PLCB4: variants seen among roughly 807,000 people sequenced by gnomAD.
PLCB4 encodes the protein phospholipase C beta 4.
A neutral mutation model predicts 178.8 loss-of-function variants in PLCB4; 77 were observed. That is an observed-to-expected ratio of 0.43 (90% CI 0.36 to 0.52). The LOEUF is 0.52. PLCB4 is among the 20% of genes least tolerant of loss of function. PLCB4 has a pLI of 0.00. For missense variants in PLCB4, 1,024 were observed against 1,453.4 expected, an observed-to-expected ratio of 0.70 and a Z score of 4.80; for synonymous variants, 496 against 490.8, an observed-to-expected ratio of 1.01 and a Z score of -0.14.
intron 3 of PLCB4, among the ~76,000 whole-genome samples, chr20:9,298,899 A>G (rs1229699386): frequency 6.6e-6 from 1 of 152,048 alleles, no homozygotes; most frequent in Non-Finnish European, 1.5e-5. Context: ...GTTTTTAATC[A>G]TGTGATGCTT....
At chr20:9,427,824 C>T (rs1166706863) in intron 28 of PLCB4, among the ~76,000 whole-genome samples, 5 of 152,128 alleles carry the variant, frequency 3.3e-5, no homozygotes, top group Admixed American at 6.6e-5. Context: ...GCTTTGCTTC[C>T]GAAATCTATG....
rs942105736 is a variant in PLCB4 at position 9,402,653 on chromosome 20, G to A, written c.1611+1063G>A. On this transcript the variant is annotated intron_variant, in intron 20 of 39. Transcript: ENST00000378473. ...TGCTCTAGGCCAGACGAGAGTCCCC[G>A]ATGGTCAAACCAGACAATGCATCAG... Among the ~76,000 whole-genome samples the A allele has an allele frequency of 5.3e-5, 8 of 152,190 alleles. No homozygotes were observed. The East Asian group carries it at 5.8e-4, about 11-fold the overall frequency.
At chr20:9,431,624 C>G (rs902433646) in intron 28 of PLCB4, among the ~76,000 whole-genome samples, 1 of 150,028 alleles carries the variant, frequency 6.7e-6, no homozygotes, top group Non-Finnish European at 1.5e-5. Context: ...CACCACCACA[C>G]GGGGCCAATT....
intron 30 of PLCB4, among the ~76,000 whole-genome samples, chr20:9,438,365 T>TAA (rs778937148): frequency 1.9e-4 from 23 of 119,996 alleles, no homozygotes; most frequent in African/African-American, 6.1e-4. Context: ...GACTATATCT[T>TAA]AAAAAAAAAA....
At chr20:9,383,723 A>G (rs2037343786) in intron 13 of PLCB4, among the ~76,000 whole-genome samples, 1 of 152,250 alleles carries the variant, frequency 6.6e-6, no homozygotes. Context: ...CAGTGAGAAC[A>G]ATGTCTTATA....
chr20:9,124,011 G>A (rs1207203698), intron 2 of PLCB4, among the ~76,000 whole-genome samples: 1 of 152,106 alleles, frequency 6.6e-6, no homozygotes, highest in East Asian at 1.9e-4. Flanking sequence ...CTGTATTTAT[G>A]TATGCTGAAT....
intron 33 of PLCB4, among the ~76,000 whole-genome samples, chr20:9,454,222 C>A (rs1332972715): frequency 6.6e-6 from 1 of 152,192 alleles, no homozygotes; most frequent in Non-Finnish European, 1.5e-5. Flanking sequence ...AATGCTGCTT[C>A]CTTCTCAGTC....
intron 2 of PLCB4, among the ~76,000 whole-genome samples, chr20:9,206,729 C>T (rs1359900237): frequency 1.3e-5 from 2 of 152,182 alleles, no homozygotes; most frequent in Non-Finnish European, 2.9e-5. Flanking sequence ...TCTGAGGGAT[C>T]ATTGACAAAC....
At chr20:9,232,021 C>T (rs1288588877) in intron 3 of PLCB4, among the ~76,000 whole-genome samples, 2 of 152,138 alleles carry the variant, frequency 1.3e-5, no homozygotes, top group Non-Finnish European at 1.5e-5. Context: ...ACCTAAAAAA[C>T]ATTCTGCTGG....
intron 7 of PLCB4, among the ~76,000 whole-genome samples, chr20:9,340,369 G>A (rs2033043019): frequency 6.6e-6 from 1 of 152,034 alleles, no homozygotes; most frequent in South Asian, 2.1e-4. Context: ...TGAGTCTCAG[G>A]CCCACCCAGA....
chr20:9,335,303 G>A (rs370492440), intron 4 of PLCB4, among the ~76,000 whole-genome samples: 43 of 152,188 alleles, frequency 2.8e-4, no homozygotes, highest in African/African-American at 9.1e-4. Flanking sequence ...CCCTTGCAAT[G>A]AAACAACTCT....
chr20:9,300,371 G>T (rs2094688974), intron 3 of PLCB4, among the ~76,000 whole-genome samples: 2 of 152,220 alleles, frequency 1.3e-5, no homozygotes, highest in African/African-American at 4.8e-5. Context: ...GAAGTTAAAA[G>T]TTGCACTTAA....
At position 9,437,355 on chromosome 20, in the gene PLCB4, C is replaced by A. The variant is rs77482161; in HGVS notation, c.2764+203C>A. ...CTGGACAGGCCGTGGGCTCATGAACCAACATAGTTATTCCTATTGGACATT... is the reference window on the plus strand; with the variant it reads ...CTGGACAGGCCGTGGGCTCATGAACAAACATAGTTATTCCTATTGGACATT... On this transcript the variant is annotated intron_variant, in intron 30 of 39. Coordinates refer to ENST00000378473, the MANE Select transcript of PLCB4 (RefSeq NM_001377142.1). Among the ~76,000 whole-genome samples, 3,474 of 152,268 alleles carry A rather than the reference C, an allele frequency of 0.023. 131 individuals carry two copies. Among genetic ancestry groups the A allele is most frequent in the African/African-American group, 0.078 (3,226 of 41,530 alleles).
intron 28 of PLCB4, among the ~76,000 whole-genome samples, chr20:9,435,345 T>TA (rs1306864536): frequency 3.9e-5 from 6 of 152,178 alleles, no homozygotes; most frequent in African/African-American, 1.4e-4. Flanking sequence ...AAAAACTAAA[T>TA]AAAAAAATCA....
intron 2 of PLCB4, among the ~76,000 whole-genome samples, chr20:9,199,394 A>G (rs918350385): frequency 6.6e-6 from 1 of 152,190 alleles, no homozygotes; most frequent in African/African-American, 2.4e-5. Context: ...TAGAAACCCC[A>G]TGTTAGATAA....
At chr20:9,147,332 T>C (rs186966125) in intron 2 of PLCB4, among the ~76,000 whole-genome samples, 8 of 152,192 alleles carry the variant, frequency 5.3e-5, no homozygotes, top group Admixed American at 4.6e-4. Flanking sequence ...CATTACAGTC[T>C]GGCTAAGGAC....
chr20:9,444,396 G>A (rs1405120183), intron 32 of PLCB4, among the ~76,000 whole-genome samples, 153 bp downstream of exon 32: 2 of 152,202 alleles, frequency 1.3e-5, no homozygotes, highest in African/African-American at 4.8e-5. Flanking sequence ...CGGTTTGGGA[G>A]TGCTTGTCAC....
chr20:9,244,067 G>A (rs368525346), intron 3 of PLCB4, among the ~76,000 whole-genome samples: 3 of 152,138 alleles, frequency 2.0e-5, no homozygotes, highest in Non-Finnish European at 4.4e-5. Flanking sequence ...ATTGTCCCTT[G>A]TGAGCAGTAA....
intron 2 of PLCB4, among the ~76,000 whole-genome samples, chr20:9,192,422 T>C (rs1005968746): frequency 3.3e-5 from 5 of 152,144 alleles, no homozygotes; most frequent in African/African-American, 9.7e-5. Flanking sequence ...GCCAGGTTCA[T>C]GAATGTGTGA....
Sources: allele counts gnomAD v4.1 joint callset (sites outside exome capture counted in the v4.1 genomes callset), GRCh38; gene constraint gnomAD v4.1.1; transcripts MANE v1.5; gene names NCBI Gene and HGNC (gene_info 2026-07-23, HGNC 2026-07-21).